BCCIP: variants seen among roughly 807,000 people sequenced by gnomAD.
BCCIP encodes the protein BRCA2 and CDKN1A-interacting protein.
A neutral mutation model predicts 32.8 loss-of-function variants in BCCIP; 23 were observed. The ratio of observed to expected loss-of-function variants is 0.70; its 90% CI spans 0.51 to 0.99. BCCIP has a LOEUF of 0.99. BCCIP is among the 50% of genes least tolerant of loss of function. BCCIP has a pLI of 0.00. For synonymous variants in BCCIP, 144 were observed against 137.6 expected (o/e 1.05, Z -0.33); for missense variants, 378 against 379.8 (o/e 1.00, Z 0.04).
downstream of BCCIP, chr10:125,841,291 A>C: frequency 6.2e-7 from 1 of 1,614,200 alleles, no homozygotes; most frequent in Non-Finnish European, 8.5e-7. Context: ...AGGTCCAGAC[A>C]CAAGAAGAGG....
downstream of BCCIP, among the ~76,000 whole-genome samples, chr10:125,845,664 A>G (rs1944007803): frequency 6.6e-6 from 1 of 152,242 alleles, no homozygotes; most frequent in South Asian, 2.1e-4. Context: ...AGAGTTGGAA[A>G]GGATGTTAGA....
downstream of BCCIP, among the ~76,000 whole-genome samples, chr10:125,837,851 T>G (rs1854744573): frequency 6.6e-6 from 1 of 152,204 alleles, no homozygotes; most frequent in Non-Finnish European, 1.5e-5. Context: ...CAGCCTTCCC[T>G]CCTTCCTCTT....
intron 7 of BCCIP, among the ~76,000 whole-genome samples, chr10:125,847,889 A>G (rs1944042733): frequency 6.6e-6 from 1 of 152,038 alleles, no homozygotes; most frequent in Non-Finnish European, 1.5e-5. Flanking sequence ...CAGTGCTGCC[A>G]CTGATCTGAC....
Position 125,836,283 on chromosome 10 carries a change from C to T in BCCIP, c.*9C>T. ...AATATCTATCTGTCTAACCCATTTC[C>T]AATGGACAGTGATGGGCTTGTTTTT... On this transcript the variant is annotated 3_prime_UTR_variant, in exon 7 of 7. Coordinates refer to ENST00000278100, the MANE Select transcript of BCCIP (RefSeq NM_078468.3). 1.9e-6 allele frequency: 3 copies of T among 1,614,122 alleles called. No individual in the cohort carries two copies. The highest frequency in any genetic ancestry group is 2.5e-6 in the Non-Finnish European group (3 of 1,180,006).
At chr10:125,842,945 A>G (rs12049644), downstream of BCCIP, 107,800 of 264,882 alleles carry the variant, frequency 0.41, 22,924 homozygotes, top group Non-Finnish European at 0.44. Context: ...ATAAGGCTAT[A>G]TATAGATTGG....
At chr10:125,839,938 A>C (rs1228466851), downstream of BCCIP, among the ~76,000 whole-genome samples, 1 of 152,210 alleles carries the variant, frequency 6.6e-6, no homozygotes, top group Non-Finnish European at 1.5e-5. Flanking sequence ...AAAAGGTGCC[A>C]CCAGATTCCT....
At chr10:125,826,213 A>G (rs1279287996) in intron 1 of BCCIP, 4 of 220,708 alleles carry the variant, frequency 1.8e-5, no homozygotes, top group Non-Finnish European at 3.5e-5. Flanking sequence ...TGCCTGGCAC[A>G]GTGCTTGGTA....
intron 1 of BCCIP, among the ~76,000 whole-genome samples, chr10:125,824,326 C>T (rs929864062): frequency 6.6e-6 from 1 of 152,214 alleles, no homozygotes; most frequent in African/African-American, 2.4e-5. Flanking sequence ...ACCGTAGTGC[C>T]TGGCAATATA....
In BCCIP at chr10:125,834,835, A is replaced by AAAAC. The variant is rs1554894004; in HGVS notation, c.774+889_774+890insAAAC. ...TCAAAAACAAACAAACAAACAAAAA[A>AAAAC]CACAAAAACATCTTGAGCCAGGCAC... On this transcript the variant is annotated intron_variant, in intron 6 of 6. Transcript: ENST00000278100. Among the ~76,000 whole-genome samples, 842 of 142,510 alleles carry AAAAC rather than the reference A, an allele frequency of 5.9e-3. 5 individuals carry two copies. Among genetic ancestry groups the AAAAC allele is most frequent in the African/African-American group, 0.019 (754 of 39,218 alleles). 93.5% of individuals were successfully genotyped at this position (142,510 alleles called of 152,430 possible). A position where few individuals can be genotyped will look rare whatever the true frequency, so the allele number is the denominator to read the frequency against.
intron 6 of BCCIP, 64 bp downstream of exon 6, chr10:125,834,010 G>A (rs545447789): frequency 1.3e-6 from 2 of 1,550,030 alleles, no homozygotes; most frequent in East Asian, 2.2e-5. Flanking sequence ...GATTTATCAA[G>A]ATTTATTGTT....
intron 7 of BCCIP, among the ~76,000 whole-genome samples, chr10:125,851,644 T>C (rs1944090287): frequency 6.6e-6 from 1 of 152,126 alleles, no homozygotes; most frequent in African/African-American, 2.4e-5. Flanking sequence ...GAGACTAGAA[T>C]ATGCCACCCC....
intron 1 of BCCIP, among the ~76,000 whole-genome samples, chr10:125,824,510 C>T (rs1029880368): frequency 6.6e-6 from 1 of 152,214 alleles, no homozygotes; most frequent in East Asian, 1.9e-4. Context: ...ACCAGCTGCT[C>T]TAACCCAAAA....
chr10:125,833,722 G>A, intron 5 of BCCIP, 50 bp from the exon 6 acceptor site: 1 of 1,601,842 alleles, frequency 6.2e-7, no homozygotes, highest in Non-Finnish European at 8.5e-7. Context: ...TTTGTTGATG[G>A]ATTTCACTTG....
At chr10:125,834,022 TCCC>T (rs748588153) in intron 6 of BCCIP, 76 bp downstream of exon 6, 181 of 1,511,782 alleles carry the variant, frequency 1.2e-4, no homozygotes, top group Non-Finnish European at 1.5e-4. Flanking sequence ...TTTATTGTTC[TCCC>T]ACTTTAGGTC....
At chr10:125,824,565 A>G (rs771853612) in intron 1 of BCCIP, among the ~76,000 whole-genome samples, 43 of 152,216 alleles carry the variant, frequency 2.8e-4, no homozygotes, top group Admixed American at 2.0e-4. Flanking sequence ...TCCTATATCC[A>G]GCCCATCAGT....
Position 125,836,105 on chromosome 10 carries a change from A to T in BCCIP, c.776A>T (p.Lys259Met), listed in dbSNP as rs752531458. ...ANAEEEFFYE[K>M]AILKFNYSVQ... ...TTCATGGTTACTTATTTGGTTTAGA[A>T]GGCAATTCTCAAGTTCAACTACTCA... The change falls in exon 7 of 7, where the codon AAG becomes ATG. Residue 259 changes from lysine (K) to methionine (M), a missense_variant and splice_region_variant. Lys to Met is a moderately conservative substitution (Grantham distance 95). Coordinates refer to ENST00000278100, the MANE Select transcript of BCCIP (RefSeq NM_078468.3). 5 of 1,609,616 alleles carry T rather than the reference A, an allele frequency of 3.1e-6. No homozygotes were observed. Among genetic ancestry groups the T allele is most frequent in the Non-Finnish European group, 4.2e-6 (5 of 1,176,628 alleles).
In BCCIP at chr10:125,841,788, A is replaced by G. The variant is rs1366889740; in HGVS notation, c.*429A>G. 5 of 1,613,344 alleles carry G rather than the reference A, an allele frequency of 3.1e-6. No homozygotes were observed. In the South Asian group the frequency reaches 5.5e-5, roughly 18 times the overall value. On this transcript the variant is annotated 3_prime_UTR_variant, in exon 7 of 7. Coordinates refer to the BCCIP transcript ENST00000299130. ...GTTAGCACTTCATCTACACAGTCAA[A>G]TTCACAGGACGCTAAGATAGACTTC... is the stretch of plus-strand genomic sequence containing the variant.
rs1392776244 is a variant in BCCIP, at chr10:125,835,585, A to C, written c.775-519A>C. Among the ~76,000 whole-genome samples the C allele has an allele frequency of 3.2e-4, 48 of 151,962 alleles. No individual in the cohort carries two copies. In the South Asian group the frequency reaches 9.6e-3, roughly 30 times the overall value. On this transcript the variant is annotated intron_variant, in intron 6 of 6. Transcript: ENST00000278100. The stretch of plus-strand genomic sequence containing the variant: ...CAGAGTGAGACTCTGTCTCAAAAAA[A>C]AAAAACAAACAAACAAAAAAAACAA...
chr10:125,831,217 C>T (rs1307169907), intron 4 of BCCIP, among the ~76,000 whole-genome samples: 1 of 152,188 alleles, frequency 6.6e-6, no homozygotes, highest in Non-Finnish European at 1.5e-5. Context: ...ACTCTCTTAC[C>T]ACTCATCATG....
Sources: gnomAD v4.1 joint callset for allele counts (sites outside exome capture counted in the v4.1 genomes callset) on GRCh38, gnomAD v4.1.1 for gene constraint, MANE v1.5 for transcripts, NCBI Gene and HGNC (gene_info 2026-07-23, HGNC 2026-07-21) for gene names.